Variants in PHYHIPL observed in about 807,000 individuals in gnomAD.
PHYHIPL encodes the protein phytanoyl-CoA hydroxylase-interacting protein-like.
Under a neutral mutation model 33.4 loss-of-function variants are expected in PHYHIPL, and 9 were observed. That is an observed-to-expected ratio of 0.27 (90% CI 0.16 to 0.47). The LOEUF is 0.47. Ranked by LOEUF, PHYHIPL falls within the 20% of genes least tolerant of loss-of-function variation. The pLI is 0.99. For synonymous variants in PHYHIPL, 153 were observed against 154.1 expected (o/e 0.99, Z 0.05); for missense variants, 365 against 460.7 (o/e 0.79, Z 1.90).
At chr10:59,189,538 T>G (rs1057420226) in intron 1 of PHYHIPL, among the ~76,000 whole-genome samples, 12 of 151,984 alleles carry the variant, frequency 7.9e-5, no homozygotes, top group Non-Finnish European at 1.5e-4. Flanking sequence ...GTTCTTCTAC[T>G]TACTATTTTT....
rs148084819 is a variant in PHYHIPL at position 59,243,872 on chromosome 10, TAAAGGAACC to T, written c.597-1182_597-1174del. Reference sequence around the variant, plus strand: ...GGTTACGGTAACAAATAGGGGATGCTAAAGGAACCAAGAACTAGCACTAGCAAGACTTGA... The same window carrying T: ...GGTTACGGTAACAAATAGGGGATGCTAAGAACTAGCACTAGCAAGACTTGA... On this transcript the variant is annotated intron_variant, in intron 4 of 4. Coordinates refer to ENST00000373880, the MANE Select transcript of PHYHIPL (RefSeq NM_032439.4). Among the ~76,000 whole-genome samples, 3 of 152,158 alleles carry T rather than the reference TAAAGGAACC, an allele frequency of 2.0e-5. No homozygotes were observed. The East Asian group carries it at 5.8e-4, about 29-fold the overall frequency.
intron 1 of PHYHIPL, among the ~76,000 whole-genome samples, chr10:59,232,180 G>T (rs1459555599): frequency 6.6e-6 from 1 of 151,808 alleles, no homozygotes; most frequent in African/African-American, 2.4e-5. Context: ...ACACTAAATT[G>T]TATATTTCAT....
intron 1 of PHYHIPL, among the ~76,000 whole-genome samples, chr10:59,205,213 A>G (rs2133227044): frequency 6.6e-6 from 1 of 152,320 alleles, no homozygotes; most frequent in African/African-American, 2.4e-5. Flanking sequence ...CTAAAATAAG[A>G]TAAAATTATC....
At chr10:59,242,570 A>G (rs748170354) in intron 4 of PHYHIPL, among the ~76,000 whole-genome samples, 7 of 152,228 alleles carry the variant, frequency 4.6e-5, no homozygotes, top group Non-Finnish European at 8.8e-5. Context: ...AGATAATCAA[A>G]GATACAAAAA....
At chr10:59,212,858 C>A (rs1839502288) in intron 1 of PHYHIPL, among the ~76,000 whole-genome samples, 1 of 152,158 alleles carries the variant, frequency 6.6e-6, no homozygotes, top group Non-Finnish European at 1.5e-5. Flanking sequence ...TCACCCCAGT[C>A]ACCCCAGGAT....
chr10:59,185,180 C>T (rs1253487486), intron 1 of PHYHIPL, among the ~76,000 whole-genome samples: 5 of 151,544 alleles, frequency 3.3e-5, no homozygotes, highest in South Asian at 2.1e-4. Flanking sequence ...TTAGTAGAGA[C>T]GGGGTTTCAC....
intron 1 of PHYHIPL, among the ~76,000 whole-genome samples, chr10:59,203,908 AC>A (rs1293754844): frequency 2.0e-5 from 3 of 152,146 alleles, no homozygotes; most frequent in Admixed American, 6.5e-5. Context: ...CTAGAACTTA[AC>A]ATGTAATTTT....
chr10:59,204,024 T>C (rs1260849040), intron 1 of PHYHIPL, among the ~76,000 whole-genome samples: 2 of 152,192 alleles, frequency 1.3e-5, no homozygotes, highest in Non-Finnish European at 2.9e-5. Flanking sequence ...AAGGATTACA[T>C]GTTGTTACGG....
chr10:59,231,325 A>C (rs1448915573), intron 1 of PHYHIPL, among the ~76,000 whole-genome samples: 2 of 152,092 alleles, frequency 1.3e-5, no homozygotes, highest in African/African-American at 4.8e-5. Flanking sequence ...CAAGGAAAAA[A>C]ATCCAACTGT....
At position 59,232,265 on chromosome 10, in the gene PHYHIPL, T is replaced by C. The variant is rs904247458; in HGVS notation, c.107-2039T>C. Reference sequence around the variant, plus strand: ...AATTACGACTACCTAAGTAAGAAAGTTGCATAAAAGTTAATCTAGTGGTTT... The same window carrying C: ...AATTACGACTACCTAAGTAAGAAAGCTGCATAAAAGTTAATCTAGTGGTTT... On this transcript the variant is annotated intron_variant, in intron 1 of 4. Transcript: ENST00000373880. Among the ~76,000 whole-genome samples the C allele has an allele frequency of 3.3e-5, 5 of 152,118 alleles. No homozygotes were observed. In the East Asian group the frequency reaches 9.7e-4, roughly 29 times the overall value.
rs191326838 is a variant in PHYHIPL, at chr10:59,227,048, G to T, written c.107-7256G>T. Among the ~76,000 whole-genome samples the T allele has an allele frequency of 6.6e-4, 101 of 152,168 alleles. 1 individual carries two copies. The highest frequency in any genetic ancestry group is 5.0e-3 in the Admixed American group (76 of 15,300). ...AAAGCAAAAAGTGAAATAAGATGGA[G>T]AACTAACAATTATTCCACATGCATA... On this transcript the variant is annotated intron_variant, in intron 1 of 4. Coordinates refer to ENST00000373880, the MANE Select transcript of PHYHIPL (RefSeq NM_032439.4).
chr10:59,235,414 T>G (rs553508858), intron 2 of PHYHIPL, among the ~76,000 whole-genome samples: 12 of 151,950 alleles, frequency 7.9e-5, no homozygotes, highest in African/African-American at 1.4e-4. Flanking sequence ...ATGATGAAAA[T>G]CTGGTCTATT....
intron 1 of PHYHIPL, among the ~76,000 whole-genome samples, chr10:59,227,552 T>C (rs529949307): frequency 1.3e-5 from 2 of 152,270 alleles, no homozygotes; most frequent in Admixed American, 1.3e-4. Context: ...TATATTATAC[T>C]TATTAAGTAA....
chr10:59,177,387 C>G (rs1838283029), intron 1 of PHYHIPL: 1 of 1,318,674 alleles, frequency 7.6e-7, no homozygotes. Context: ...GCATTCTCTT[C>G]CAGAAACTTA....
At chr10:59,241,509 G>T (rs1379773617) in intron 4 of PHYHIPL, among the ~76,000 whole-genome samples, 1 of 151,918 alleles carries the variant, frequency 6.6e-6, no homozygotes, top group Non-Finnish European at 1.5e-5. Context: ...ATATCTGAAG[G>T]GTTTCAGGAA....
At chr10:59,243,165 C>A (rs947767219) in intron 4 of PHYHIPL, among the ~76,000 whole-genome samples, 1 of 151,236 alleles carries the variant, frequency 6.6e-6, no homozygotes, top group South Asian at 2.1e-4. Flanking sequence ...AGATACAAGA[C>A]ACCTTATGTA....
upstream of PHYHIPL, among the ~76,000 whole-genome samples, chr10:59,175,882 C>T (rs117365898): frequency 0.018 from 2,767 of 152,318 alleles, 46 homozygotes; most frequent in Non-Finnish European, 0.023. Flanking sequence ...ATGAATGAAG[C>T]TACGCTGCGA....
intron 1 of PHYHIPL, among the ~76,000 whole-genome samples, chr10:59,232,770 A>T (rs1366061903): frequency 1.3e-5 from 2 of 151,964 alleles, no homozygotes; most frequent in African/African-American, 4.8e-5. Context: ...ATCAGAGTTC[A>T]GAAAGTTTTT....
At chr10:59,198,102 G>A (rs1395250942) in intron 1 of PHYHIPL, among the ~76,000 whole-genome samples, 1 of 151,910 alleles carries the variant, frequency 6.6e-6, no homozygotes, top group African/African-American at 2.4e-5. Flanking sequence ...CGTGCACAAC[G>A]TGCTGGTTTC....
Sources: gnomAD v4.1 joint callset for allele counts (sites outside exome capture counted in the v4.1 genomes callset) on GRCh38, gnomAD v4.1.1 for gene constraint, MANE v1.5 for transcripts, NCBI Gene and HGNC (gene_info 2026-07-23, HGNC 2026-07-21) for gene names.